NLRC5: variants seen among roughly 807,000 people sequenced by gnomAD.
NLRC5 encodes protein NLRC5.
Under a neutral mutation model 206.9 loss-of-function variants are expected in NLRC5, and 114 were observed. The ratio of observed to expected loss-of-function variants is 0.55; its 90% CI spans 0.47 to 0.64. The LOEUF (loss-of-function observed/expected upper bound fraction) is 0.64. Among genes scored for constraint, NLRC5 ranks in the 30% least tolerant of loss-of-function variants. The pLI is 0.00. For synonymous variants in NLRC5, 952 were observed against 962.8 expected (o/e 0.99, Z 0.21); for missense variants, 2,008 against 2,305.5 (o/e 0.87, Z 2.64).
rs553315075 is a variant in NLRC5, at chr16:56,995,263, A to C, written c.-128+5646A>C. On this transcript the variant is annotated intron_variant, in intron 1 of 48. Transcript: ENST00000688547. Reference sequence around the variant, plus strand: ...CCTCCCCAGGAATCGCAGAGCTCCCAGGAGAGGCCATAGCCTCCTATAGGT... The same window carrying C: ...CCTCCCCAGGAATCGCAGAGCTCCCCGGAGAGGCCATAGCCTCCTATAGGT... Among the ~76,000 whole-genome samples the C allele has an allele frequency of 1.2e-3, 177 of 152,322 alleles. 2 individuals carry two copies. The highest frequency in any genetic ancestry group is 3.7e-4 in the Non-Finnish European group (25 of 67,990).
At chr16:57,031,308 T>A in intron 10 of NLRC5, 96 bp from the exon 11 acceptor site, 1 of 1,304,522 alleles carries the variant, frequency 7.7e-7, no homozygotes. Flanking sequence ...TTTATCTGGA[T>A]GTTTGAACAT....
intron 4 of NLRC5, among the ~76,000 whole-genome samples, chr16:57,023,356 G>T (rs538022597): frequency 6.6e-6 from 1 of 152,344 alleles, no homozygotes; most frequent in East Asian, 1.9e-4. Context: ...AAGAAATCGG[G>T]ATGATAAAAC....
At chr16:57,047,720 C>G in intron 23 of NLRC5, 92 bp downstream of exon 23, 1 of 1,096,876 alleles carries the variant, frequency 9.1e-7, no homozygotes, top group Non-Finnish European at 1.4e-6. Context: ...ACAGGTGAGT[C>G]TTTCTCGATT....
Position 57,026,825 on chromosome 16 carries a change from G to A in NLRC5, c.1882G>A (p.Ala628Thr). Residue 628 changes from alanine (A) to threonine (T), a missense_variant, in exon 6 of 49, where the codon GCC becomes ACC. Coordinates refer to ENST00000688547, the MANE Select transcript of NLRC5 (RefSeq NM_001384950.1). ...GGATGAGACACAGGAGCCTGAGCTG[G>A]CCAGTCTCACCGCACAAAGCCTCCC... is the stretch of plus-strand genomic sequence containing the variant. The part of the protein sequence containing the change: ...CVDETQEPEL[A>T]SLTAQSLPYQ... 6.2e-7 allele frequency: 1 copy of A among 1,614,182 alleles called. No homozygotes were observed. Among genetic ancestry groups the A allele is most frequent in the Non-Finnish European group, 8.5e-7 (1 of 1,180,038 alleles).
intron 13 of NLRC5, among the ~76,000 whole-genome samples, chr16:57,035,481 A>G (rs1005250729): frequency 2.6e-5 from 4 of 151,656 alleles, no homozygotes; most frequent in African/African-American, 7.3e-5. Context: ...CTTCCACTCA[A>G]TCTCCAATCC....
chr16:57,045,064 T>C (rs1442422858), intron 20 of NLRC5, among the ~76,000 whole-genome samples: 1 of 151,666 alleles, frequency 6.6e-6, no homozygotes, highest in Admixed American at 6.6e-5. Flanking sequence ...AATTAGACAG[T>C]CATGGTGGGG....
chr16:57,051,470 C>A, intron 23 of NLRC5, 68 bp from the exon 24 acceptor site: 1 of 1,164,096 alleles, frequency 8.6e-7, no homozygotes. Context: ...AAGGCTCTGG[C>A]TATGAGGCCG....
At position 57,040,643 on chromosome 16, in the gene NLRC5, C is replaced by T. The variant is rs764694769; in HGVS notation, c.2871-7C>T. On this transcript the variant is annotated splice_polypyrimidine_tract_variant and splice_region_variant and intron_variant, in intron 16 of 48. Transcript: ENST00000688547. The stretch of plus-strand genomic sequence containing the variant: ...TGCTCAGCCTGGCCTTGGTGATGTC[C>T]CTCCAGGGCTGCATTTCTTGACAGC... 1 of 1,613,914 alleles carries T rather than the reference C, an allele frequency of 6.2e-7. No individual in the cohort carries two copies. The highest frequency in any genetic ancestry group is 1.1e-5 in the South Asian group (1 of 91,082).
intron 38 of NLRC5, among the ~76,000 whole-genome samples, chr16:57,071,070 A>G (rs1486402701): frequency 3.9e-5 from 2 of 51,506 alleles, no homozygotes; most frequent in Non-Finnish European, 3.8e-5. Flanking sequence ...GTTAATGGGG[A>G]AGAGTTGTGA....
At chr16:57,065,474 T>G (rs541531418) in intron 33 of NLRC5, among the ~76,000 whole-genome samples, 176 bp downstream of exon 33, 1 of 152,272 alleles carries the variant, frequency 6.6e-6, no homozygotes, top group African/African-American at 2.4e-5. Flanking sequence ...TTGTTGGGAC[T>G]AGTGCAGTAG....
At chr16:57,078,531 G>A (rs2068730389) in intron 43 of NLRC5, among the ~76,000 whole-genome samples, 2 of 147,542 alleles carry the variant, frequency 1.4e-5, no homozygotes, top group Admixed American at 1.4e-4. Context: ...GAGTGCAGTG[G>A]TGCAACCTCG....
At chr16:57,025,305 C>T (rs1157323260) in intron 5 of NLRC5, 63 bp from the exon 6 acceptor site, 3 of 1,501,242 alleles carry the variant, frequency 2.0e-6, no homozygotes, top group Non-Finnish European at 2.7e-6. Context: ...AATACTGGGG[C>T]AAGAAGACAT....
At chr16:57,003,777 C>G (rs1262684662) in intron 1 of NLRC5, 1 of 152,280 alleles carries the variant, frequency 6.6e-6, no homozygotes, top group Non-Finnish European at 1.5e-5. Context: ...CTTCCACCAC[C>G]CCCTCAATAA....
chr16:57,066,520 T>C lies in NLRC5; in HGVS notation c.4242-14T>C, dbSNP rs773446596. ...GGCTGCCCGACCTCACGTTGGTTAC[T>C]GCTCACTCCTCAGCATCTCCGAGAC... On this transcript the variant is annotated splice_polypyrimidine_tract_variant and intron_variant, in intron 33 of 48. Coordinates refer to ENST00000688547, the MANE Select transcript of NLRC5 (RefSeq NM_001384950.1). The C allele has an allele frequency of 6.3e-5, 101 of 1,613,594 alleles. No individual in the cohort carries two copies. The highest frequency in any genetic ancestry group is 8.4e-5 in the Non-Finnish European group (99 of 1,179,810).
At chr16:57,076,579 C>T (rs2068430435) in intron 39 of NLRC5, among the ~76,000 whole-genome samples, 2 of 152,218 alleles carry the variant, frequency 1.3e-5, no homozygotes, top group South Asian at 4.1e-4. Context: ...CCTGCAAGTC[C>T]CTAAGTCTCT....
rs746274418 is a variant in NLRC5, at chr16:57,025,702, C to T, written c.759C>T (p.Phe253=). Residue 253 remains phenylalanine, a synonymous_variant, in exon 6 of 49, where the codon TTC becomes TTT. Coordinates refer to ENST00000688547, the MANE Select transcript of NLRC5 (RefSeq NM_001384950.1). ...GGGCAGAGGGCCATCTGAACTGTTT[C>T]CAGGCCCTGTTCCTTTTTGAATTCC... The part of the protein sequence containing the change: ...QKWAEGHLNC[F]QALFLFEFRQ... 1.9e-6 allele frequency: 3 copies of T among 1,614,228 alleles called. No individual in the cohort carries two copies. The highest frequency in any genetic ancestry group is 2.5e-6 in the Non-Finnish European group (3 of 1,180,038).
chr16:57,039,714 C>A lies in NLRC5; in HGVS notation c.2802-67C>A, dbSNP rs183498144. ...CTTGGGCAACAGACTGAGACCTTCT[C>A]TCAAAAAGAAATAGTAACAGGGAGC... On this transcript the variant is annotated intron_variant, in intron 15 of 48. Transcript: ENST00000688547. The A allele has an allele frequency of 3.3e-4, 485 of 1,451,750 alleles. 1 individual carries two copies. The African/African-American group carries it at 6.0e-3, about 18-fold the overall frequency. The allele number at this position is 1,451,750 out of a possible 1,614,324, so 89.9% of individuals were successfully genotyped here. A position where few individuals can be genotyped will look rare whatever the true frequency, so the allele number is the denominator to read the frequency against.
chr16:57,044,123 A>T (rs1291679060), intron 20 of NLRC5, among the ~76,000 whole-genome samples: 1 of 145,426 alleles, frequency 6.9e-6, no homozygotes, highest in East Asian at 2.1e-4. Context: ...ACAGGGTGAA[A>T]CCCTGTCTCT....
intron 1 of NLRC5, chr16:56,992,388 A>G (rs2057005230): frequency 6.6e-6 from 1 of 152,228 alleles, no homozygotes; most frequent in Admixed American, 6.5e-5. Flanking sequence ...GCAAGTCCAA[A>G]CACTGTAAAA....
Sources: gnomAD v4.1 joint callset for allele counts (sites outside exome capture counted in the v4.1 genomes callset) on GRCh38, gnomAD v4.1.1 for gene constraint, MANE v1.5 for transcripts, NCBI Gene and HGNC (gene_info 2026-07-23, HGNC 2026-07-21) for gene names.